CADPS2: variants seen among roughly 807,000 people sequenced by gnomAD.
CADPS2 encodes the protein calcium-dependent secretion activator 2.
In CADPS2, 93 loss-of-function variants were observed where a neutral mutation model predicts 172.5. The ratio of observed to expected loss-of-function variants is 0.54; its 90% CI spans 0.46 to 0.64. CADPS2 has a LOEUF of 0.64. Among genes scored for constraint, CADPS2 ranks in the 30% least tolerant of loss-of-function variants. CADPS2 has a pLI of 0.00. For synonymous variants in CADPS2, 546 were observed against 555.2 expected, an observed-to-expected ratio of 0.98 and a Z score of 0.23; for missense variants, 1,420 against 1,565.9, an observed-to-expected ratio of 0.91 and a Z score of 1.57.
chr7:122,436,595 C>T (rs535380158), intron 17 of CADPS2, among the ~76,000 whole-genome samples: 2 of 151,878 alleles, frequency 1.3e-5, no homozygotes, highest in South Asian at 2.1e-4. Flanking sequence ...AATGAGCAAG[C>T]ATTTTGTTGT....
At chr7:122,832,482 G>A (rs16870877) in intron 1 of CADPS2, among the ~76,000 whole-genome samples, 2,242 of 152,186 alleles carry the variant, frequency 0.015, 55 homozygotes, top group African/African-American at 0.051. Flanking sequence ...TCTGTCCAGC[G>A]GTCATTTGGA....
intron 3 of CADPS2, among the ~76,000 whole-genome samples, chr7:122,646,470 G>A (rs886185350): frequency 6.6e-6 from 1 of 151,988 alleles, no homozygotes; most frequent in African/African-American, 2.4e-5. Flanking sequence ...GGGCAGGAAG[G>A]CTTTCTGAAG....
intron 28 of CADPS2, among the ~76,000 whole-genome samples, chr7:122,343,313 T>A (rs950388963): frequency 4.6e-5 from 7 of 152,186 alleles, no homozygotes; most frequent in African/African-American, 1.7e-4. Context: ...CAAAACAGAA[T>A]GGTTGCTTAT....
At chr7:122,840,598 T>G (rs2140913152) in intron 1 of CADPS2, among the ~76,000 whole-genome samples, 1 of 148,838 alleles carries the variant, frequency 6.7e-6, no homozygotes, top group Non-Finnish European at 1.5e-5. Context: ...AAGAAAAAAC[T>G]TAGGGTAGGC....
At chr7:122,424,989 T>A (rs1453409097) in intron 17 of CADPS2, among the ~76,000 whole-genome samples, 3 of 152,094 alleles carry the variant, frequency 2.0e-5, no homozygotes, top group Admixed American at 6.5e-5. Flanking sequence ...TTTAAAAAAA[T>A]TATTTTTTTG....
At chr7:122,705,442 AATATT>A (rs1426074326) in intron 2 of CADPS2, among the ~76,000 whole-genome samples, 2 of 137,346 alleles carry the variant, frequency 1.5e-5, no homozygotes, top group Non-Finnish European at 3.1e-5. Context: ...TATGTAATAT[AATATT>A]ATATATTATC....
intron 25 of CADPS2, chr7:122,378,831 C>T (rs2042654576): frequency 6.6e-6 from 1 of 152,456 alleles, no homozygotes; most frequent in African/African-American, 2.4e-5. Context: ...ATCATCTAAT[C>T]ACTAAATGAT....
intron 5 of CADPS2, among the ~76,000 whole-genome samples, chr7:122,616,592 T>C (rs531143533): frequency 1.5e-4 from 23 of 152,270 alleles, no homozygotes; most frequent in African/African-American, 5.5e-4. Context: ...TCCAGGGCTT[T>C]TGTCATTTTC....
intron 9 of CADPS2, among the ~76,000 whole-genome samples, chr7:122,505,613 CAA>C (rs1043570617): frequency 1.3e-5 from 2 of 152,090 alleles, no homozygotes; most frequent in African/African-American, 4.8e-5. Flanking sequence ...AGAGATATAA[CAA>C]AGAGTACAGA....
At chr7:122,705,303 C>T (rs1413075643) in intron 2 of CADPS2, among the ~76,000 whole-genome samples, 1 of 150,704 alleles carries the variant, frequency 6.6e-6, no homozygotes. Context: ...GTAATCTGTT[C>T]CTTTTAGATC....
intron 6 of CADPS2, among the ~76,000 whole-genome samples, chr7:122,596,263 A>T (rs1438786553): frequency 6.6e-6 from 1 of 152,118 alleles, no homozygotes; most frequent in Non-Finnish European, 1.5e-5. Flanking sequence ...AAAACATTTG[A>T]TCCTCATAAC....
chr7:122,822,244 T>A (rs2140390743), intron 1 of CADPS2, among the ~76,000 whole-genome samples: 1 of 152,132 alleles, frequency 6.6e-6, no homozygotes, highest in South Asian at 2.1e-4. Context: ...CTTTTATACC[T>A]GTTTTTCTCC....
At chr7:122,575,436 C>T (rs2067893487) in intron 7 of CADPS2, among the ~76,000 whole-genome samples, 1 of 150,624 alleles carries the variant, frequency 6.6e-6, no homozygotes, top group Non-Finnish European at 1.5e-5. Flanking sequence ...CTTTTCTCTT[C>T]TTTTCCTTTT....
chr7:122,669,356 T>TATA lies in CADPS2; in HGVS notation c.454-5788_454-5787insTAT, dbSNP rs71161320. On this transcript the variant is annotated intron_variant, in intron 2 of 29. Transcript: ENST00000449022. ...AAGAAAAAATATATATATATATATATTTTTTTTTTTTGAGAAAAAGTAATT... is the reference window on the plus strand; with the variant it reads ...AAGAAAAAATATATATATATATATATATATTTTTTTTTTTGAGAAAAAGTAATT... Among the ~76,000 whole-genome samples the TATA allele has an allele frequency of 1.2e-3, 135 of 115,024 alleles. 1 individual carries two copies. Among genetic ancestry groups the TATA allele is most frequent in the East Asian group, 7.2e-3 (31 of 4,322 alleles). The allele number at this position is 115,024 out of a possible 152,430, so 75.5% of individuals were successfully genotyped here.
intron 1 of CADPS2, among the ~76,000 whole-genome samples, chr7:122,808,713 G>A (rs925132182): frequency 2.6e-5 from 4 of 152,080 alleles, no homozygotes; most frequent in East Asian, 1.9e-4. Context: ...CCACAATAAT[G>A]TTCTGCTTCA....
intron 20 of CADPS2, among the ~76,000 whole-genome samples, chr7:122,397,035 G>A (rs2045238269): frequency 6.6e-6 from 1 of 152,058 alleles, no homozygotes; most frequent in African/African-American, 2.4e-5. Flanking sequence ...AAAATATATA[G>A]CATTAAATAA....
At chr7:122,555,818 T>A (rs1376268924) in intron 7 of CADPS2, among the ~76,000 whole-genome samples, 1 of 152,084 alleles carries the variant, frequency 6.6e-6, no homozygotes, top group Non-Finnish European at 1.5e-5. Context: ...AATACTAAAA[T>A]GTTTTGAAAG....
At chr7:122,703,809 G>A (rs2086554183) in intron 2 of CADPS2, among the ~76,000 whole-genome samples, 2 of 152,122 alleles carry the variant, frequency 1.3e-5, no homozygotes, top group South Asian at 4.1e-4. Flanking sequence ...CAGCATAGAT[G>A]TAGAGACACA....
At chr7:122,469,704 A>G (rs752490188) in intron 14 of CADPS2, among the ~76,000 whole-genome samples, 2 of 152,166 alleles carry the variant, frequency 1.3e-5, no homozygotes, top group Non-Finnish European at 2.9e-5. Flanking sequence ...TTCAACAGAT[A>G]TTTATTGTGT....
Sources: gnomAD v4.1 joint callset for allele counts (sites outside exome capture counted in the v4.1 genomes callset) on GRCh38, gnomAD v4.1.1 for gene constraint, MANE v1.5 for transcripts, NCBI Gene and HGNC (gene_info 2026-07-23, HGNC 2026-07-21) for gene names.